ABCA12: variants seen among roughly 807,000 people sequenced by gnomAD.
The protein encoded by ABCA12 is ATP binding cassette subfamily A member 12, also known as glucosylceramide transporter ABCA12.
ABCA12 carries 156 observed loss-of-function variants against 293.5 expected under a neutral mutation model. That is an observed-to-expected ratio of 0.53 (90% CI 0.47 to 0.61). ABCA12 has a LOEUF of 0.61. Among genes scored for constraint, ABCA12 ranks in the 20% least tolerant of loss-of-function variants. The pLI is 0.00. For missense variants in ABCA12, 2,797 were observed against 3,090.2 expected, an observed-to-expected ratio of 0.91 and a Z score of 2.25; for synonymous variants, 1,063 against 1,108.0, an observed-to-expected ratio of 0.96 and a Z score of 0.81.
In ABCA12 at chr2:215,012,066, T is replaced by A; in HGVS notation, c.2026A>T (p.Ile676Phe). ...MMELFIRLKE[I>F]LNQMASGTHP... The stretch of plus-strand genomic sequence containing the variant: ...GTGCCAGAAGCCATCTGATTGAGAA[T>A]CTCTTTTAGTCTTATGAAGAGCTCC... The change falls in exon 16 of 53, where the codon ATT becomes TTT. Residue 676 changes from isoleucine to phenylalanine, a missense_variant. Physicochemically the swap from Ile to Phe is conservative, Grantham distance 21 (BLOSUM62 0). Around this residue, in one of 3 missense-constraint regions of ABCA12, gnomAD observed 2,130 missense variants for 2,427.0 expected, o/e 0.88. Transcript: ENST00000272895. 1 of 1,613,990 alleles carries A rather than the reference T, an allele frequency of 6.2e-7. No individual in the cohort carries two copies. Among genetic ancestry groups the A allele is most frequent in the Non-Finnish European group, 8.5e-7 (1 of 1,179,906 alleles).
intron 2 of ABCA12, chr2:215,075,599 T>C (rs1278060094): frequency 1.4e-6 from 1 of 693,852 alleles, no homozygotes; most frequent in East Asian, 2.7e-5. Flanking sequence ...ATCACAAGTG[T>C]TCCAAGTAGA....
intron 7 of ABCA12, among the ~76,000 whole-genome samples, chr2:215,038,299 T>C (rs6739886): frequency 0.21 from 32,477 of 152,062 alleles, 3,671 homozygotes; most frequent in East Asian, 0.41. Flanking sequence ...AAAACTAAAG[T>C]TGAAAAAAGT....
At chr2:215,099,220 G>A (rs1371125892) in intron 2 of ABCA12, among the ~76,000 whole-genome samples, 1 of 152,216 alleles carries the variant, frequency 6.6e-6, no homozygotes, top group Non-Finnish European at 1.5e-5. Flanking sequence ...CCCAGCTGGG[G>A]AGAAGCTGAG....
At chr2:214,972,226 G>A (rs1699401049) in intron 36 of ABCA12, among the ~76,000 whole-genome samples, 1 of 151,910 alleles carries the variant, frequency 6.6e-6, no homozygotes, top group African/African-American at 2.4e-5. Flanking sequence ...TGTATATACA[G>A]TATAATTTTT....
In ABCA12 at chr2:215,111,616, A is replaced by G. The variant is rs756818711; in HGVS notation, c.144T>C (p.Pro48=). 7 of 1,612,590 alleles carry G rather than the reference A, an allele frequency of 4.3e-6. No homozygotes were observed. Among genetic ancestry groups the G allele is most frequent in the Non-Finnish European group, 5.9e-6 (7 of 1,178,882 alleles). ...IILAITRTKF[P]PTAKPTCYLA... ...ACTTACAAGTTGGTTTTGCAGTTGG[A>G]GGAAATTTGGTCCGAGTAATAGCCA... The change falls in exon 2 of 53, where the codon CCT becomes CCC. Residue 48 remains proline (P), a synonymous_variant. Coordinates refer to ENST00000272895, the MANE Select transcript of ABCA12 (RefSeq NM_173076.3).
intron 18 of ABCA12, 46 bp from the exon 19 acceptor site, chr2:215,007,892 T>A: frequency 6.2e-7 from 1 of 1,611,350 alleles, no homozygotes; most frequent in Non-Finnish European, 8.5e-7. Flanking sequence ...TAGTATTTTG[T>A]CTATATTTTA....
chr2:215,007,085 G>A (rs1700271551), intron 19 of ABCA12, among the ~76,000 whole-genome samples: 1 of 152,034 alleles, frequency 6.6e-6, no homozygotes, highest in African/African-American at 2.4e-5. Context: ...GCGTTGGTCA[G>A]GCTGGTCTTG....
Position 215,032,138 on chromosome 2 carries a change from C to T in ABCA12, c.986-242G>A, listed in dbSNP as rs1179441389. 8.0e-6 allele frequency: 11 copies of T among 1,368,186 alleles called. No individual in the cohort carries two copies. In the East Asian group the frequency reaches 3.2e-4, roughly 40 times the overall value. 84.8% of individuals were successfully genotyped at this position (1,368,186 alleles called of 1,614,324 possible). On this transcript the variant is annotated intron_variant, in intron 8 of 52. Coordinates refer to ENST00000272895, the MANE Select transcript of ABCA12 (RefSeq NM_173076.3). The stretch of plus-strand genomic sequence containing the variant: ...GATGGTCAAGCATATGCATTTCTAA[C>T]AAGTTCTTTGTCTGTGCATCAAGCC...
rs562073044 is a variant in ABCA12, at chr2:215,004,550, A to T, written c.2593-251T>A. Among the ~76,000 whole-genome samples the T allele has an allele frequency of 3.3e-5, 5 of 152,374 alleles. No individual in the cohort carries two copies. The South Asian group carries it at 1.0e-3, about 32-fold the overall frequency. On this transcript the variant is annotated intron_variant, in intron 19 of 52. Transcript: ENST00000272895. ...GCATGCACAGTGGCCAGATGTGACT[A>T]CAATTATCAACATTAGAAATTTATA...
In ABCA12 at chr2:215,048,984, C is replaced by T. The variant is rs374473405; in HGVS notation, c.693+642G>A. 3.1e-4 allele frequency among the ~76,000 whole-genome samples: 47 copies of T among 152,064 alleles called. No homozygotes were observed. In the South Asian group the frequency reaches 6.7e-3, roughly 22 times the overall value. On this transcript the variant is annotated intron_variant, in intron 6 of 52. Transcript: ENST00000272895. ...ACGTGGACACAAAGAGGGAAACAAC[C>T]GACACTGGGACTTACTTGAGTGTGA...
Position 214,986,689 on chromosome 2 carries a change from G to A in ABCA12, c.4016C>T (p.Pro1339Leu), listed in dbSNP as rs1699795162. Residue 1339 changes from proline (P) to leucine (L), a missense_variant, in exon 28 of 53, where the codon CCT (proline) becomes CTT (leucine). By Grantham distance (98) the Pro-to-Leu change is moderately conservative. This residue lies in a region of ABCA12 where 2,130 missense variants were observed against 2,427.0 expected (regional missense o/e 0.88). Coordinates refer to ENST00000272895, the MANE Select transcript of ABCA12 (RefSeq NM_173076.3). ...YMFSSNIEPE[P>L]KDLTVGVALH... The stretch of plus-strand genomic sequence containing the variant: ...GGCAACCCCGACTGTGAGATCTTTA[G>A]GTTCAGGCTCGATGTTAGAGGAAAA... 6 of 1,613,960 alleles carry A rather than the reference G, an allele frequency of 3.7e-6. No homozygotes were observed. The highest frequency in any genetic ancestry group is 5.1e-6 in the Non-Finnish European group (6 of 1,179,994).
At chr2:215,063,786 G>A (rs1701583759) in intron 3 of ABCA12, among the ~76,000 whole-genome samples, 2 of 151,894 alleles carry the variant, frequency 1.3e-5, no homozygotes, top group African/African-American at 2.4e-5. Context: ...ATAATTTAAG[G>A]TTGGATAGAG....
intron 49 of ABCA12, among the ~76,000 whole-genome samples, chr2:214,943,275 C>T (rs571194970): frequency 1.6e-4 from 24 of 152,036 alleles, no homozygotes; most frequent in South Asian, 2.1e-4. Flanking sequence ...ATAGCTGGGA[C>T]GACAGATGTG....
intron 39 of ABCA12, among the ~76,000 whole-genome samples, chr2:214,963,941 A>G (rs1281055893): frequency 6.6e-6 from 1 of 151,004 alleles, no homozygotes; most frequent in Non-Finnish European, 1.5e-5. Context: ...AAAAAAAAAA[A>G]AAAACTTCAG....
chr2:215,024,664 T>C (rs1574992137), intron 11 of ABCA12, among the ~76,000 whole-genome samples: 2 of 152,200 alleles, frequency 1.3e-5, no homozygotes, highest in African/African-American at 4.8e-5. Flanking sequence ...GTAATATACA[T>C]GGACATAATG....
chr2:215,019,569 A>G lies in ABCA12; in HGVS notation c.1515T>C (p.Asp505=). 6.2e-7 allele frequency: 1 copy of G among 1,614,198 alleles called. No homozygotes were observed. ...SKKVRDLLTG[D]PSKINLNMDQ... ...CCATATTTAAATTAATTTTGCTTGG[A>G]TCTCCAGTCAGCAAATCTCTCACTT... is the stretch of plus-strand genomic sequence containing the variant. The change falls in exon 12 of 53, where the codon GAT becomes GAC. Residue 505 remains aspartate (D), a synonymous_variant. Coordinates refer to ENST00000272895, the MANE Select transcript of ABCA12 (RefSeq NM_173076.3).
In ABCA12 at chr2:214,966,903, G is replaced by C. The variant is rs1170201696; in HGVS notation, c.5829C>G (p.Ser1943Arg). ...GYHSLPAYLN[S>R]LNNFLLRVNM... ...TAACTCGCAGAAGGAAATTATTCAG[G>C]CTGTTGAGGTAAGCTGGAAGGGAGT... Residue 1943 changes from serine (S) to arginine (R), a missense_variant, in exon 39 of 53, where the codon AGC (serine) becomes AGG (arginine). Physicochemically the swap from Ser to Arg is moderately radical, Grantham distance 110 (BLOSUM62 -1). Coordinates refer to ENST00000272895, the MANE Select transcript of ABCA12 (RefSeq NM_173076.3). 3 of 1,613,854 alleles carry C rather than the reference G, an allele frequency of 1.9e-6. No individual in the cohort carries two copies. The highest frequency in any genetic ancestry group is 2.5e-6 in the Non-Finnish European group (3 of 1,179,820).
intron 30 of ABCA12, 35 bp downstream of exon 30, chr2:214,982,152 T>C: frequency 1.2e-6 from 2 of 1,608,134 alleles, no homozygotes; most frequent in South Asian, 2.2e-5. Flanking sequence ...GAAGTATGAC[T>C]GTTGGGTGGA....
intron 50 of ABCA12, among the ~76,000 whole-genome samples, 176 bp from the exon 51 acceptor site, chr2:214,937,791 T>A (rs1698266362): frequency 6.6e-6 from 1 of 152,194 alleles, no homozygotes; most frequent in Non-Finnish European, 1.5e-5. Flanking sequence ...AATAGTGCAC[T>A]GCTATGATTT....
Sources: gnomAD v4.1 joint callset for allele counts (sites outside exome capture counted in the v4.1 genomes callset) on GRCh38, gnomAD v4.1.1 for gene constraint, gnomAD v4.1.1 regional missense constraint, MANE v1.5 for transcripts, NCBI Gene and HGNC (gene_info 2026-07-23, HGNC 2026-07-21) for gene names.